Variants in SRGAP1 observed in about 807,000 individuals in gnomAD.
The protein encoded by SRGAP1 is SLIT-ROBO Rho GTPase activating protein 1, also known as SLIT-ROBO Rho GTPase-activating protein 1.
A neutral mutation model predicts 121.9 loss-of-function variants in SRGAP1; 43 were observed. The ratio of observed to expected loss-of-function variants is 0.35; its 90% CI spans 0.28 to 0.46. The LOEUF (loss-of-function observed/expected upper bound fraction) is 0.46. Among genes scored for constraint, SRGAP1 ranks in the 20% least tolerant of loss-of-function variants. The pLI is 1.00. For synonymous variants in SRGAP1, 447 were observed against 485.4 expected, an observed-to-expected ratio of 0.92 and a Z score of 1.04; for missense variants, 1,102 against 1,350.9, an observed-to-expected ratio of 0.82 and a Z score of 2.89.
chr12:63,930,987 T>A (rs1161745594), intron 1 of SRGAP1, among the ~76,000 whole-genome samples: 1 of 152,224 alleles, frequency 6.6e-6, no homozygotes, highest in Non-Finnish European at 1.5e-5. Context: ...TCTAATAGCT[T>A]AATCTCTGTG....
chr12:63,877,430 A>G (rs1378398376), intron 1 of SRGAP1, among the ~76,000 whole-genome samples: 1 of 152,168 alleles, frequency 6.6e-6, no homozygotes, highest in Non-Finnish European at 1.5e-5. Context: ...CTAATAGGAA[A>G]ATACAATTCA....
At chr12:64,088,182 A>G (rs1365195601) in intron 11 of SRGAP1, among the ~76,000 whole-genome samples, 1 of 152,202 alleles carries the variant, frequency 6.6e-6, no homozygotes, top group Non-Finnish European at 1.5e-5. Context: ...TGGTAAACCA[A>G]CTAGAAAGAT....
chr12:64,141,120 T>G, intron 21 of SRGAP1, among the ~76,000 whole-genome samples: 1 of 141,686 alleles, frequency 7.1e-6, no homozygotes, highest in African/African-American at 2.8e-5. Flanking sequence ...TGGGGACTGT[T>G]GTGGGGTGGG....
intron 4 of SRGAP1, among the ~76,000 whole-genome samples, chr12:64,031,382 C>T (rs1249572349): frequency 6.6e-6 from 1 of 151,244 alleles, no homozygotes; most frequent in Admixed American, 6.6e-5. Context: ...ATATATGTTT[C>T]CCCAAATAAT....
intron 1 of SRGAP1, among the ~76,000 whole-genome samples, chr12:63,865,887 G>A (rs1899612415): frequency 6.6e-6 from 1 of 151,920 alleles, no homozygotes; most frequent in East Asian, 2.0e-4. Context: ...ACCTTTTTTT[G>A]GTGCAAGTTT....
At chr12:63,851,923 A>G (rs948403264) in intron 1 of SRGAP1, among the ~76,000 whole-genome samples, 7 of 152,154 alleles carry the variant, frequency 4.6e-5, no homozygotes, top group Non-Finnish European at 1.0e-4. Context: ...GGCTTGGCAC[A>G]TAATAGTCAA....
intron 7 of SRGAP1, among the ~76,000 whole-genome samples, chr12:64,063,639 C>T (rs560247710): frequency 1.3e-5 from 2 of 149,636 alleles, no homozygotes; most frequent in Non-Finnish European, 3.0e-5. Context: ...ATAAATTCAG[C>T]TTTCTATGTT....
chr12:63,866,562 TCAGA>T (rs1337549393), intron 1 of SRGAP1, among the ~76,000 whole-genome samples: 6 of 152,292 alleles, frequency 3.9e-5, no homozygotes, highest in Admixed American at 1.3e-4. Flanking sequence ...TATTCCAATA[TCAGA>T]CAGCAAATTT....
chr12:64,027,816 A>G (rs975912444), intron 4 of SRGAP1, among the ~76,000 whole-genome samples: 3 of 151,606 alleles, frequency 2.0e-5, no homozygotes, highest in African/African-American at 4.9e-5. Flanking sequence ...GGCATACAAT[A>G]TACGTGTCAA....
intron 9 of SRGAP1, among the ~76,000 whole-genome samples, 194 bp downstream of exon 9, chr12:64,079,310 T>G (rs2035794900): frequency 6.6e-6 from 1 of 151,972 alleles, no homozygotes; most frequent in Non-Finnish European, 1.5e-5. Flanking sequence ...TTAGGAGTTA[T>G]TTAGTTAGTT....
intron 1 of SRGAP1, among the ~76,000 whole-genome samples, chr12:63,882,780 A>G (rs1900238630): frequency 6.6e-6 from 1 of 152,216 alleles, no homozygotes; most frequent in Admixed American, 6.5e-5. Flanking sequence ...AACTTCTTAG[A>G]TGGCTAAGAG....
At chr12:63,929,779 T>C (rs527344871) in intron 1 of SRGAP1, among the ~76,000 whole-genome samples, 10 of 152,304 alleles carry the variant, frequency 6.6e-5, no homozygotes, top group African/African-American at 2.2e-4. Context: ...CTTTTCAGAA[T>C]TGTGTAGTTA....
In SRGAP1 at chr12:64,128,308, T is replaced by A. The variant is rs141688791; in HGVS notation, c.2880+108T>A. On this transcript the variant is annotated intron_variant, in intron 21 of 21. Coordinates refer to ENST00000355086, the MANE Select transcript of SRGAP1 (RefSeq NM_020762.4). ...TTACTTTATTTACTTTATATTTCTG[T>A]ATAGAACCAACTAAAGAAAACAGAA... is the stretch of plus-strand genomic sequence containing the variant. 5.1e-3 allele frequency: 5,693 copies of A among 1,106,022 alleles called. 21 individuals are homozygous for A. The highest frequency in any genetic ancestry group is 0.012 in the South Asian group (685 of 56,348). 68.5% of individuals were successfully genotyped at this position (1,106,022 alleles called of 1,614,324 possible). A position where few individuals can be genotyped will look rare whatever the true frequency, so the allele number is the denominator to read the frequency against.
intron 1 of SRGAP1, among the ~76,000 whole-genome samples, chr12:63,930,839 C>G (rs1364717819): frequency 6.6e-6 from 1 of 152,126 alleles, no homozygotes; most frequent in Non-Finnish European, 1.5e-5. Flanking sequence ...TATTGCAAAG[C>G]TATTTTTACA....
Position 64,063,148 on chromosome 12 carries a change from T to G in SRGAP1, c.1023+10T>G, listed in dbSNP as rs1427912285. The G allele has an allele frequency of 1.3e-6, 2 of 1,594,322 alleles. No homozygotes were observed. Among genetic ancestry groups the G allele is most frequent in the Non-Finnish European group, 1.7e-6 (2 of 1,163,836 alleles). On this transcript the variant is annotated intron_variant, in intron 7 of 21. Coordinates refer to ENST00000355086, the MANE Select transcript of SRGAP1 (RefSeq NM_020762.4). ...TCACATGGGTGATGAGGTCAGTAAT[T>G]GATCATTTTTAAAATAATGAATTGT...
Position 63,906,172 on chromosome 12 carries a change from A to G in SRGAP1, c.67+61289A>G, listed in dbSNP as rs553464733. Among the ~76,000 whole-genome samples, 152 of 152,282 alleles carry G rather than the reference A, an allele frequency of 1.0e-3. 1 individual carries two copies. Among genetic ancestry groups the G allele is most frequent in the African/African-American group, 3.4e-3 (143 of 41,542 alleles). ...ATTTTGTCCCTGGCTTCCTTCACTT[A>G]GCCTGTTTTGAGGCTCATCACATGT... On this transcript the variant is annotated intron_variant, in intron 1 of 21. Coordinates refer to ENST00000355086, the MANE Select transcript of SRGAP1 (RefSeq NM_020762.4).
rs537884790 is a variant in SRGAP1 at position 63,973,469 on chromosome 12, T to C, written c.68-10478T>C. Among the ~76,000 whole-genome samples the C allele has an allele frequency of 9.7e-4, 147 of 152,308 alleles. 1 individual carries two copies. Among genetic ancestry groups the C allele is most frequent in the Middle Eastern group, 3.4e-3 (1 of 294 alleles). On this transcript the variant is annotated intron_variant, in intron 1 of 21. Coordinates refer to ENST00000355086, the MANE Select transcript of SRGAP1 (RefSeq NM_020762.4). ...TGCACTCTCTGCTTCAATTTTATCATCTCTGTAATGGAGACACCACATAAT... is the reference window on the plus strand; with the variant it reads ...TGCACTCTCTGCTTCAATTTTATCACCTCTGTAATGGAGACACCACATAAT...
chr12:64,150,530 A>T lies in SRGAP1; in HGVS notation c.*7858A>T, dbSNP rs2037106290. The T allele has an allele frequency of 6.6e-6, 1 of 152,162 alleles. No individual in the cohort carries two copies. The highest frequency in any genetic ancestry group is 2.4e-5 in the African/African-American group (1 of 41,422). 9.4% of individuals were successfully genotyped at this position (152,162 alleles called of 1,614,324 possible). A position where few individuals can be genotyped will look rare whatever the true frequency, so the allele number is the denominator to read the frequency against. ...TAAATGCAAGTGGATGATTGTGCCA[A>T]TAAGCCAGGAGAGAAGGAAACATCT... On this transcript the variant is annotated 3_prime_UTR_variant, in exon 22 of 22. Transcript: ENST00000355086.
In SRGAP1 at chr12:64,162,076, G is replaced by C. The variant is rs1271260304; in HGVS notation, c.*19404G>C. 1 of 152,176 alleles carries C rather than the reference G, an allele frequency of 6.6e-6. No homozygotes were observed. The highest frequency in any genetic ancestry group is 1.5e-5 in the Non-Finnish European group (1 of 68,040). 9.4% of individuals were successfully genotyped at this position (152,176 alleles called of 1,614,324 possible). A position where few individuals can be genotyped will look rare whatever the true frequency, so the allele number is the denominator to read the frequency against. ...GAGGGCTGGGAAAAGGGTTTGGGGA[G>C]AGAAATGACTGCTAATGGGAGTATG... On this transcript the variant is annotated 3_prime_UTR_variant, in exon 22 of 22. Transcript: ENST00000355086.
Sources: allele counts gnomAD v4.1 joint callset (sites outside exome capture counted in the v4.1 genomes callset), GRCh38; gene constraint gnomAD v4.1.1; transcripts MANE v1.5; gene names NCBI Gene and HGNC (gene_info 2026-07-23, HGNC 2026-07-21).